The following MACROD2 variants were observed in gnomAD, a reference collection of about 807,000 sequenced individuals.
MACROD2 encodes the protein ADP-ribose glycohydrolase MACROD2.
Under a neutral mutation model 70.4 loss-of-function variants are expected in MACROD2, and 36 were observed. The ratio of observed to expected loss-of-function variants is 0.51; its 90% CI spans 0.39 to 0.68. MACROD2 has a LOEUF of 0.68. Among genes scored for constraint, MACROD2 ranks in the 30% least tolerant of loss-of-function variants. The probability of loss-of-function intolerance (pLI) is 0.00; values close to 1 mark genes in which losing one functional copy is unlikely to be tolerated. For missense variants in MACROD2, 496 were observed against 538.4 expected, an observed-to-expected ratio of 0.92 and a Z score of 0.78; for synonymous variants, 172 against 178.8, an observed-to-expected ratio of 0.96 and a Z score of 0.30.
intron 2 of MACROD2, among the ~76,000 whole-genome samples, chr20:14,047,372 T>C (rs1018348808): frequency 2.6e-5 from 4 of 151,056 alleles, no homozygotes; most frequent in Admixed American, 2.0e-4. Flanking sequence ...GGAGAATTGC[T>C]TGAACCTGAG....
At chr20:14,915,287 C>T (rs1326451325) in intron 5 of MACROD2, among the ~76,000 whole-genome samples, 3 of 152,152 alleles carry the variant, frequency 2.0e-5, no homozygotes, top group Non-Finnish European at 4.4e-5. Context: ...TCAGCATAGA[C>T]TTTAATGGCA....
chr20:14,582,075 C>T (rs1417423235), intron 4 of MACROD2, among the ~76,000 whole-genome samples: 1 of 152,084 alleles, frequency 6.6e-6, no homozygotes, highest in African/African-American at 2.4e-5. Flanking sequence ...ATTTACACTT[C>T]CTATCCCATT....
At chr20:15,001,976 T>TAC (rs1324157048) in intron 5 of MACROD2, among the ~76,000 whole-genome samples, 26 of 151,508 alleles carry the variant, frequency 1.7e-4, no homozygotes, top group African/African-American at 6.1e-4. Context: ...CACACACATA[T>TAC]ACACACACAC....
intron 3 of MACROD2, among the ~76,000 whole-genome samples, chr20:14,383,436 T>C (rs571224155): frequency 1.3e-5 from 2 of 152,318 alleles, no homozygotes; most frequent in East Asian, 3.9e-4. Context: ...ATGTAGAGTT[T>C]GTAAATATTC....
chr20:16,027,273 CA>C (rs144338689), intron 15 of MACROD2, among the ~76,000 whole-genome samples: 148,728 of 152,176 alleles, frequency 0.98, 72,782 homozygotes, highest in East Asian at 1. Context: ...TGTAAACCAG[CA>C]AGATTATTTC....
chr20:15,371,221 G>GT (rs958073032), intron 6 of MACROD2, among the ~76,000 whole-genome samples: 5 of 152,110 alleles, frequency 3.3e-5, no homozygotes, highest in African/African-American at 1.2e-4. Flanking sequence ...GAATAAGATA[G>GT]TTTGATGATT....
At chr20:14,656,125 A>T (rs1985962336) in intron 4 of MACROD2, among the ~76,000 whole-genome samples, 2 of 152,192 alleles carry the variant, frequency 1.3e-5, no homozygotes, top group Non-Finnish European at 2.9e-5. Context: ...TCCCATAGCC[A>T]ATCCATTTCT....
At chr20:14,531,641 A>G (rs1187652735) in intron 4 of MACROD2, among the ~76,000 whole-genome samples, 1 of 152,220 alleles carries the variant, frequency 6.6e-6, no homozygotes, top group Non-Finnish European at 1.5e-5. Context: ...TAGTGGTAGT[A>G]ATGATAATGG....
chr20:14,316,874 G>C (rs571732686), intron 3 of MACROD2, among the ~76,000 whole-genome samples: 13 of 152,086 alleles, frequency 8.5e-5, no homozygotes, highest in Non-Finnish European at 1.0e-4. Flanking sequence ...ATTGAAATCT[G>C]ACAGTCTGAT....
At chr20:14,452,117 G>T (rs1364291433) in intron 3 of MACROD2, among the ~76,000 whole-genome samples, 7 of 152,060 alleles carry the variant, frequency 4.6e-5, no homozygotes, top group African/African-American at 1.7e-4. Flanking sequence ...TGATGGAATG[G>T]AGAAACTAGA....
At chr20:14,797,428 C>T (rs1333229159) in intron 5 of MACROD2, among the ~76,000 whole-genome samples, 1 of 152,032 alleles carries the variant, frequency 6.6e-6, no homozygotes, top group Non-Finnish European at 1.5e-5. Flanking sequence ...TGTCCCCACT[C>T]TCTCTCTCCA....
chr20:15,360,871 C>T (rs1330781291), intron 6 of MACROD2, among the ~76,000 whole-genome samples: 2 of 151,454 alleles, frequency 1.3e-5, no homozygotes, highest in Non-Finnish European at 2.9e-5. Flanking sequence ...AGTGAGATAT[C>T]TCTTTATGTC....
intron 15 of MACROD2, among the ~76,000 whole-genome samples, chr20:15,993,063 T>A (rs574041605): frequency 1.4e-3 from 128 of 90,320 alleles, no homozygotes; most frequent in African/African-American, 4.6e-3. Flanking sequence ...TTCCTTATAT[T>A]TAACTTCCTT....
chr20:15,965,050 A>T (rs1276000467), intron 12 of MACROD2, among the ~76,000 whole-genome samples: 1 of 152,178 alleles, frequency 6.6e-6, no homozygotes, highest in African/African-American at 2.4e-5. Context: ...GCATGTTTCT[A>T]AGATGCACAT....
At chr20:14,724,537 T>C (rs1227382412) in intron 5 of MACROD2, among the ~76,000 whole-genome samples, 5 of 152,106 alleles carry the variant, frequency 3.3e-5, no homozygotes, top group Non-Finnish European at 1.5e-5. Context: ...TAAAATAGGA[T>C]TGGGCACTAT....
intron 4 of MACROD2, among the ~76,000 whole-genome samples, chr20:14,528,586 C>T (rs904520274): frequency 1.3e-5 from 2 of 152,064 alleles, no homozygotes; most frequent in African/African-American, 4.8e-5. Context: ...TTCCAATGTC[C>T]TTTGCTTTCT....
chr20:14,838,658 A>T (rs1443609216), intron 5 of MACROD2, among the ~76,000 whole-genome samples: 1 of 152,172 alleles, frequency 6.6e-6, no homozygotes, highest in Non-Finnish European at 1.5e-5. Flanking sequence ...CAGAGCTGTC[A>T]CCCTTGATAA....
At chr20:14,718,154 G>C (rs774782705) in intron 5 of MACROD2, among the ~76,000 whole-genome samples, 6 of 151,540 alleles carry the variant, frequency 4.0e-5, no homozygotes, top group Non-Finnish European at 5.9e-5. Context: ...TTTGCCAGGC[G>C]TGGTGGCACG....
At chr20:15,908,782 G>A (rs1319505415) in intron 10 of MACROD2, among the ~76,000 whole-genome samples, 1 of 152,098 alleles carries the variant, frequency 6.6e-6, no homozygotes, top group Non-Finnish European at 1.5e-5. Context: ...CATTGCATGG[G>A]ATTTTTGTTT....
Sources: allele counts gnomAD v4.1 joint callset (sites outside exome capture counted in the v4.1 genomes callset), GRCh38; gene constraint gnomAD v4.1.1; transcripts MANE v1.5; gene names NCBI Gene and HGNC (gene_info 2026-07-23, HGNC 2026-07-21).